Variants in ADGRV1 observed in about 807,000 individuals in gnomAD.
ADGRV1 encodes adhesion G protein-coupled receptor V1.
In ADGRV1, 359 loss-of-function variants were observed where a neutral mutation model predicts 596.2. That is an observed-to-expected ratio of 0.60 (90% CI 0.55 to 0.66). The LOEUF is 0.66. Ranked by LOEUF, ADGRV1 falls within the 30% of genes least tolerant of loss-of-function variation. The probability of loss-of-function intolerance (pLI) is 0.00; values close to 1 mark genes in which losing one functional copy is unlikely to be tolerated. For missense variants in ADGRV1, 7,274 were observed against 7,575.6 expected, an observed-to-expected ratio of 0.96 and a Z score of 1.48; for synonymous variants, 2,681 against 2,679.2, an observed-to-expected ratio of 1.00 and a Z score of -0.02.
chr5:90,970,678 G>T (rs1414759981), intron 84 of ADGRV1, among the ~76,000 whole-genome samples: 2 of 152,050 alleles, frequency 1.3e-5, no homozygotes, highest in Admixed American at 1.3e-4. Flanking sequence ...CAAATAGAAA[G>T]GACATCCACA....
intron 77 of ADGRV1, among the ~76,000 whole-genome samples, chr5:90,836,448 A>T (rs570027104): frequency 1.1e-4 from 16 of 152,192 alleles, no homozygotes; most frequent in Admixed American, 5.2e-4. Flanking sequence ...ATATAATCAT[A>T]CTAAGTAAAA....
chr5:90,705,505 C>T lies in ADGRV1; in HGVS notation c.8492C>T (p.Ser2831Leu). 2.5e-6 allele frequency: 4 copies of T among 1,613,820 alleles called. No individual in the cohort carries two copies. Among genetic ancestry groups the T allele is most frequent in the Non-Finnish European group, 3.4e-6 (4 of 1,179,764 alleles). ...EPHGVLNFAL[S>L]SRFVLLQEAN... ...CATGGAGTTTTAAATTTTGCTCTTTCATCAAGATTTGTGTTACTACAAGAG... is the reference window on the plus strand; with the variant it reads ...CATGGAGTTTTAAATTTTGCTCTTTTATCAAGATTTGTGTTACTACAAGAG... The change falls in exon 37 of 90, where the codon TCA (serine) becomes TTA (leucine). Residue 2831 changes from serine (S) to leucine (L), a missense_variant. Ser to Leu is a moderately radical substitution (Grantham distance 145). Transcript: ENST00000405460.
At chr5:90,936,615 T>G (rs995302514) in intron 83 of ADGRV1, among the ~76,000 whole-genome samples, 18 of 152,016 alleles carry the variant, frequency 1.2e-4, no homozygotes, top group African/African-American at 4.3e-4. Context: ...TTATCTTTAC[T>G]TGGCTTTTAA....
intron 85 of ADGRV1, among the ~76,000 whole-genome samples, chr5:91,044,232 A>G (rs1785604834): frequency 6.6e-6 from 1 of 152,114 alleles, no homozygotes; most frequent in East Asian, 1.9e-4. Flanking sequence ...CTCATATGAA[A>G]CACTTAAGAT....
chr5:90,925,544 G>T (rs1006619328), intron 83 of ADGRV1, among the ~76,000 whole-genome samples: 2 of 152,046 alleles, frequency 1.3e-5, no homozygotes, highest in African/African-American at 4.8e-5. Context: ...GAGACAGTGG[G>T]GTTTTCTAGA....
At chr5:90,567,739 CTT>C (rs555309403) in intron 1 of ADGRV1, among the ~76,000 whole-genome samples, 20 of 141,974 alleles carry the variant, frequency 1.4e-4, no homozygotes, top group Admixed American at 2.1e-4. Flanking sequence ...GTTTTGTTAT[CTT>C]TTTTTTTTTT....
Position 91,164,098 on chromosome 5 carries a change from G to A in ADGRV1, c.*198G>A, listed in dbSNP as rs775285599. ...AATTCACTGCTATAAGAAAGGTGGAGTCAGTTTGTATCAGTTAATAGGATG... is the reference window on the plus strand; with the variant it reads ...AATTCACTGCTATAAGAAAGGTGGAATCAGTTTGTATCAGTTAATAGGATG... On this transcript the variant is annotated 3_prime_UTR_variant, in exon 90 of 90. Transcript: ENST00000405460. 4.5e-6 allele frequency: 3 copies of A among 671,338 alleles called. No individual in the cohort carries two copies. The highest frequency in any genetic ancestry group is 8.2e-6 in the Non-Finnish European group (3 of 366,632). The allele number at this position is 671,338 out of a possible 1,614,324, so 41.6% of individuals were successfully genotyped here. A position where few individuals can be genotyped will look rare whatever the true frequency, so the allele number is the denominator to read the frequency against.
chr5:91,070,455 G>A (rs7733230), intron 85 of ADGRV1, among the ~76,000 whole-genome samples: 93,286 of 152,000 alleles, frequency 0.61, 29,036 homozygotes, highest in South Asian at 0.68. Context: ...AAATAGAGGA[G>A]GTGGGGAAAA....
intron 21 of ADGRV1, among the ~76,000 whole-genome samples, chr5:90,670,857 A>G (rs1772360336): frequency 6.6e-6 from 1 of 152,222 alleles, no homozygotes; most frequent in African/African-American, 2.4e-5. Flanking sequence ...TGGCTAATGT[A>G]TTTACTTTAG....
At chr5:90,984,871 A>G (rs1780355520) in intron 84 of ADGRV1, among the ~76,000 whole-genome samples, 1 of 152,226 alleles carries the variant, frequency 6.6e-6, no homozygotes, top group Admixed American at 6.5e-5. Context: ...GTTGTCTTCA[A>G]CGTTATTTCC....
At chr5:91,012,161 C>T (rs1782772837) in intron 85 of ADGRV1, among the ~76,000 whole-genome samples, 1 of 151,904 alleles carries the variant, frequency 6.6e-6, no homozygotes, top group African/African-American at 2.4e-5. Flanking sequence ...TGCCAATTCA[C>T]CTGGTAGCTG....
intron 26 of ADGRV1, 111 bp downstream of exon 26, chr5:90,679,740 T>A: frequency 1.6e-6 from 1 of 611,238 alleles, no homozygotes; most frequent in East Asian, 2.8e-5. Flanking sequence ...GTCCTTTACA[T>A]ATTTTATCTT....
rs762142275 is a variant in ADGRV1, at chr5:90,829,150, G to A, written c.16575G>A (p.Gly5525=). The change falls in exon 77 of 90, where the codon GGG becomes GGA. Residue 5525 remains glycine, a synonymous_variant. Coordinates refer to ENST00000405460, the MANE Select transcript of ADGRV1 (RefSeq NM_032119.4). ...GTCTGCAGGTGGCCAGAGATTCTGG[G>A]ACAGGACTAATGATGTCTGTTAACT... ...LISLQVARDS[G]TGLMMSVNFS... is the part of the protein sequence containing the mutation. The A allele has an allele frequency of 6.3e-7, 1 of 1,598,156 alleles. No homozygotes were observed. Among genetic ancestry groups the A allele is most frequent in the Non-Finnish European group, 8.5e-7 (1 of 1,169,722 alleles).
intron 4 of ADGRV1, among the ~76,000 whole-genome samples, chr5:90,621,296 C>T (rs1035372172): frequency 5.3e-5 from 8 of 152,120 alleles, no homozygotes; most frequent in Non-Finnish European, 7.4e-5. Context: ...TTTCTTGGTA[C>T]CTTAACTTAT....
intron 87 of ADGRV1, among the ~76,000 whole-genome samples, chr5:91,145,542 G>A (rs1240379101): frequency 6.6e-6 from 1 of 151,868 alleles, no homozygotes; most frequent in Non-Finnish European, 1.5e-5. Flanking sequence ...GGATGTGTGT[G>A]AGTATTTTCA....
chr5:91,010,083 A>C (rs1782601822), intron 85 of ADGRV1, among the ~76,000 whole-genome samples: 1 of 152,098 alleles, frequency 6.6e-6, no homozygotes, highest in South Asian at 2.1e-4. Context: ...GGCCTATGGT[A>C]GATTACAAAC....
chr5:90,785,414 T>C (rs1328594980), intron 67 of ADGRV1, among the ~76,000 whole-genome samples: 1 of 152,164 alleles, frequency 6.6e-6, no homozygotes, highest in Non-Finnish European at 1.5e-5. Flanking sequence ...TGGGATCTAA[T>C]TAAACTAAAG....
intron 41 of ADGRV1, among the ~76,000 whole-genome samples, chr5:90,711,881 A>G (rs1749404198): frequency 6.6e-6 from 1 of 152,128 alleles, no homozygotes. Context: ...GGTTCAAGCA[A>G]TTCTCCTGCC....
At chr5:90,576,360 G>C (rs1277487000) in intron 1 of ADGRV1, among the ~76,000 whole-genome samples, 1 of 151,652 alleles carries the variant, frequency 6.6e-6, no homozygotes, top group Non-Finnish European at 1.5e-5. Context: ...GAGAACATGT[G>C]GTGTTTGGTT....
Sources: allele counts gnomAD v4.1 joint callset (sites outside exome capture counted in the v4.1 genomes callset), GRCh38; gene constraint gnomAD v4.1.1; transcripts MANE v1.5; gene names NCBI Gene and HGNC (gene_info 2026-07-23, HGNC 2026-07-21).